NDUFA10: variants seen among roughly 807,000 people sequenced by gnomAD.
NDUFA10 encodes NADH dehydrogenase [ubiquinone] 1 alpha subcomplex subunit 10, mitochondrial.
In NDUFA10, 40 loss-of-function variants were observed where a neutral mutation model predicts 47.8. The ratio of observed to expected loss-of-function variants is 0.84; its 90% confidence interval spans 0.65 to 1.09. The LOEUF is 1.09. Ranked by LOEUF, NDUFA10 falls within the 50% of genes least tolerant of loss-of-function variation. The probability of loss-of-function intolerance (pLI) is 0.00; values close to 1 mark genes in which losing one functional copy is unlikely to be tolerated. For missense variants in NDUFA10, 413 were observed against 451.1 expected, an observed-to-expected ratio of 0.92 and a Z score of 0.76; for synonymous variants, 183 against 172.2, an observed-to-expected ratio of 1.06 and a Z score of -0.49.
Position 240,018,553 on chromosome 2 carries a change from AC to A in NDUFA10, c.546del (p.Gln182HisfsTer9). Reference sequence around the variant, plus strand: ...AAGTGGGTCTGCAATGCTGACTCACACTGCTTTCGGATGAATCCCTGGTTGT... The same window carrying A: ...AAGTGGGTCTGCAATGCTGACTCACATGCTTTCGGATGAATCCCTGGTTGT... The part of the protein sequence containing the change: ...AMYNQGFIRK[Q>X]CVDHYNEVKS... On this transcript the variant is annotated frameshift_variant and splice_region_variant, in exon 4 of 10. Coordinates refer to ENST00000252711, the MANE Select transcript of NDUFA10 (RefSeq NM_004544.4). LOFTEE classifies it high-confidence loss of function. 1 of 1,614,246 alleles carries A rather than the reference AC, an allele frequency of 6.2e-7. No homozygotes were observed. The highest frequency in any genetic ancestry group is 8.5e-7 in the Non-Finnish European group (1 of 1,180,042).
intron 4 of NDUFA10, among the ~76,000 whole-genome samples, chr2:239,897,058 T>A (rs1693412095): frequency 6.6e-6 from 1 of 152,252 alleles, no homozygotes; most frequent in African/African-American, 2.4e-5. Context: ...CTGAATTAAT[T>A]ACCTTATTTT....
chr2:239,916,651 C>T (rs1693884388), intron 4 of NDUFA10, among the ~76,000 whole-genome samples: 1 of 152,252 alleles, frequency 6.6e-6, no homozygotes, highest in Non-Finnish European at 1.5e-5. Flanking sequence ...CTGAGAAGTC[C>T]AGGGTCCAGG....
intron 9 of NDUFA10, among the ~76,000 whole-genome samples, chr2:239,974,683 T>C (rs547678569): frequency 2.0e-5 from 3 of 152,042 alleles, no homozygotes; most frequent in African/African-American, 7.3e-5. Flanking sequence ...TGTGACACTC[T>C]ACCACCAAAG....
rs140163912 is a variant in NDUFA10 at position 239,925,697 on chromosome 2, A to T, written c.295-30383T>A. Among the ~76,000 whole-genome samples the T allele has an allele frequency of 4.6e-5, 7 of 152,350 alleles. No homozygotes were observed. In the East Asian group the frequency reaches 1.4e-3, roughly 29 times the overall value. On this transcript the variant is annotated intron_variant, in intron 4 of 5. Coordinates refer to the NDUFA10 transcript ENST00000419408. ...TAAAATTGGACCTCACGCAAATTTA[A>T]GTTTTTGCTCTGTGAAAAGCCCTAG...
chr2:239,966,983 G>A (rs994057738), intron 9 of NDUFA10, among the ~76,000 whole-genome samples: 2 of 151,584 alleles, frequency 1.3e-5, no homozygotes, highest in Non-Finnish European at 1.5e-5. Flanking sequence ...CTAACCACTG[G>A]CCCATGCTGT....
chr2:239,934,697 C>T (rs1461519876), intron 4 of NDUFA10, among the ~76,000 whole-genome samples: 2 of 152,152 alleles, frequency 1.3e-5, no homozygotes, highest in Admixed American at 6.5e-5. Flanking sequence ...GGACCTCATT[C>T]GTCCTGTCAG....
At chr2:239,934,894 G>A (rs1694239160) in intron 4 of NDUFA10, among the ~76,000 whole-genome samples, 1 of 152,154 alleles carries the variant, frequency 6.6e-6, no homozygotes. Context: ...TCGCTCACCA[G>A]GTTTCAATCC....
downstream of NDUFA10, among the ~76,000 whole-genome samples, chr2:239,954,814 G>GTGGCGCT (rs1559310866): frequency 3.3e-5 from 5 of 151,530 alleles, no homozygotes; most frequent in African/African-American, 9.7e-5. Flanking sequence ...CCCCCAAGTG[G>GTGGCGCT]GTTGGCAGGT....
chr2:239,950,081 G>A (rs1199908143), intron 4 of NDUFA10, among the ~76,000 whole-genome samples: 1 of 152,156 alleles, frequency 6.6e-6, no homozygotes, highest in African/African-American at 2.4e-5. Context: ...CAAGCTTGCT[G>A]TGAGAATCTA....
intron 8 of NDUFA10, among the ~76,000 whole-genome samples, chr2:239,996,334 A>C (rs1318157453): frequency 2.0e-5 from 3 of 152,228 alleles, no homozygotes; most frequent in Non-Finnish European, 4.4e-5. Flanking sequence ...AATCATACAC[A>C]GTGTATTCTC....
chr2:239,903,642 C>A (rs1430604841), intron 4 of NDUFA10, among the ~76,000 whole-genome samples: 1 of 152,222 alleles, frequency 6.6e-6, no homozygotes, highest in Non-Finnish European at 1.5e-5. Context: ...GTCAATTATA[C>A]CTATTATATG....
intron 4 of NDUFA10, among the ~76,000 whole-genome samples, chr2:239,950,385 CTTCT>C (rs1227329758): frequency 6.6e-6 from 1 of 152,214 alleles, no homozygotes; most frequent in Non-Finnish European, 1.5e-5. Context: ...GACCCACCAC[CTTCT>C]TTTTCAGACG....
At chr2:239,999,891 G>T (rs1696635541) in intron 8 of NDUFA10, among the ~76,000 whole-genome samples, 1 of 152,206 alleles carries the variant, frequency 6.6e-6, no homozygotes, top group Non-Finnish European at 1.5e-5. Flanking sequence ...GCACAGCATG[G>T]CGTTTCCATC....
intron 8 of NDUFA10, among the ~76,000 whole-genome samples, chr2:240,003,952 G>C (rs1403554248): frequency 6.6e-6 from 1 of 152,196 alleles, no homozygotes; most frequent in East Asian, 1.9e-4. Context: ...TAAAGGTCTG[G>C]GCCAAGACCT....
intron 8 of NDUFA10, among the ~76,000 whole-genome samples, chr2:239,991,629 A>G (rs1440940255): frequency 1.3e-5 from 2 of 152,234 alleles, no homozygotes; most frequent in Admixed American, 1.3e-4. Flanking sequence ...AGCTTTCCTT[A>G]TGCATTCTAT....
chr2:239,947,816 C>T (rs1461502458), intron 4 of NDUFA10, among the ~76,000 whole-genome samples: 1 of 152,222 alleles, frequency 6.6e-6, no homozygotes, highest in Non-Finnish European at 1.5e-5. Context: ...CCCACGGCAG[C>T]GACATAACCT....
intron 4 of NDUFA10, among the ~76,000 whole-genome samples, chr2:239,950,893 G>A (rs1694539946): frequency 6.6e-6 from 1 of 152,180 alleles, no homozygotes. Flanking sequence ...CGGGGCAATT[G>A]TTCCCACTGC....
intron 4 of NDUFA10, among the ~76,000 whole-genome samples, chr2:239,900,620 C>G (rs1693527174): frequency 6.7e-6 from 1 of 150,368 alleles, no homozygotes; most frequent in African/African-American, 2.4e-5. Flanking sequence ...GTGGGGAAGT[C>G]ACCCACATAG....
rs1245011104 is a variant in NDUFA10 at position 240,021,198 on chromosome 2, T to C, written c.459A>G (p.Thr153=). ...YSDALEHLLT[T]GQGVVLERSI... ...TCTAACTGCCCAGAAATACTGCACC[T>C]GTGGTCAGCAAGTGCTCCAAGGCAT... The change falls in exon 3 of 10, where the codon ACA becomes ACG. Residue 153 remains threonine (T), a splice_region_variant and synonymous_variant. Coordinates refer to ENST00000252711, the MANE Select transcript of NDUFA10 (RefSeq NM_004544.4). 3 of 1,613,182 alleles carry C rather than the reference T, an allele frequency of 1.9e-6. No individual in the cohort carries two copies. Among genetic ancestry groups the C allele is most frequent in the Non-Finnish European group, 2.5e-6 (3 of 1,179,252 alleles).
Sources: allele counts gnomAD v4.1 joint callset (sites outside exome capture counted in the v4.1 genomes callset), GRCh38; gene constraint gnomAD v4.1.1; transcripts MANE v1.5; gene names NCBI Gene and HGNC (gene_info 2026-07-23, HGNC 2026-07-21).